Variants in SCAF8 observed in about 807,000 individuals in gnomAD.
SCAF8 encodes SR-related and CTD-associated factor 8.
A neutral mutation model predicts 140.5 loss-of-function variants in SCAF8; 23 were observed. The ratio of observed to expected loss-of-function variants is 0.16; its 90% CI spans 0.12 to 0.23. The LOEUF is 0.23. SCAF8 is among the 10% of genes least tolerant of loss of function. SCAF8 has a pLI of 1.00. For missense variants in SCAF8, 1,397 were observed against 1,555.7 expected (o/e 0.90, Z 1.72); for synonymous variants, 575 against 528.9 (o/e 1.09, Z -1.20).
chr6:154,821,747 G>T (rs1255738131), intron 15 of SCAF8, among the ~76,000 whole-genome samples: 1 of 152,168 alleles, frequency 6.6e-6, no homozygotes, highest in East Asian at 1.9e-4. Flanking sequence ...TGAGTAGTAG[G>T]AGATCAAGGC....
chr6:154,812,782 G>A (rs562411227), intron 12 of SCAF8, among the ~76,000 whole-genome samples: 74 of 152,254 alleles, frequency 4.9e-4, no homozygotes, highest in African/African-American at 1.7e-3. Flanking sequence ...GCTTTCTGGG[G>A]AAAATAATGG....
rs1778321485 is a variant in SCAF8 at position 154,818,566 on chromosome 6, T to C, written c.1609T>C (p.Tyr537His). The C allele has an allele frequency of 6.2e-7, 1 of 1,601,158 alleles. No homozygotes were observed. The highest frequency in any genetic ancestry group is 8.5e-7 in the Non-Finnish European group (1 of 1,172,376). Residue 537 changes from tyrosine to histidine, a missense_variant, in exon 14 of 20, where the codon TAT (tyrosine) becomes CAT (histidine). Coordinates refer to ENST00000367178, the MANE Select transcript of SCAF8 (RefSeq NM_014892.5). ...TCTTCAGAAACTCAGTTCTGGATCA[T>C]ATAAAATTGGGTCCAAGGTCATTAA... ...RALQKLSSGS[Y>H]KIGSKVIKIA...
intron 18 of SCAF8, among the ~76,000 whole-genome samples, chr6:154,828,518 A>T (rs1370507722): frequency 6.8e-6 from 1 of 147,930 alleles, no homozygotes; most frequent in East Asian, 2.0e-4. Flanking sequence ...AGTCAGTTGC[A>T]TTTTTCTTTT....
At chr6:154,778,688 C>T (rs756142591) in intron 3 of SCAF8, among the ~76,000 whole-genome samples, 6 of 151,926 alleles carry the variant, frequency 3.9e-5, no homozygotes, top group Non-Finnish European at 5.9e-5. Context: ...TGCTTGAACC[C>T]AGGGGGCGGA....
At chr6:154,739,052 CATAGCTTACT>C (rs1351775295) in intron 1 of SCAF8, among the ~76,000 whole-genome samples, 2 of 152,160 alleles carry the variant, frequency 1.3e-5, no homozygotes, top group African/African-American at 2.4e-5. Flanking sequence ...AGGACAGGAT[CATAGCTTACT>C]GTAACCTCGA....
At chr6:154,793,952 T>G (rs1777506607) in intron 5 of SCAF8, among the ~76,000 whole-genome samples, 1 of 151,986 alleles carries the variant, frequency 6.6e-6, no homozygotes, top group Non-Finnish European at 1.5e-5. Context: ...TTTGAGACCT[T>G]GCTCTGTCAC....
At chr6:154,829,226 T>C (rs2114693713) in intron 18 of SCAF8, among the ~76,000 whole-genome samples, 1 of 145,590 alleles carries the variant, frequency 6.9e-6, no homozygotes, top group African/African-American at 2.4e-5. Context: ...GCCAGTTTCA[T>C]AAGTGATTTT....
intron 12 of SCAF8, 83 bp downstream of exon 12, chr6:154,810,291 T>A (rs1370184001): frequency 1.9e-6 from 2 of 1,027,254 alleles, no homozygotes; most frequent in Non-Finnish European, 2.8e-6. Context: ...TCAGCCAAAT[T>A]TTATTTTCAG....
chr6:154,760,699 C>T (rs1379183897), intron 1 of SCAF8, among the ~76,000 whole-genome samples: 2 of 125,602 alleles, frequency 1.6e-5, no homozygotes, highest in East Asian at 6.1e-4. Flanking sequence ...AGATAGATTA[C>T]ATTTTTTCTT....
intron 6 of SCAF8, among the ~76,000 whole-genome samples, chr6:154,797,551 A>G (rs1383493316): frequency 2.0e-5 from 3 of 151,264 alleles, no homozygotes; most frequent in African/African-American, 4.8e-5. Flanking sequence ...ACCTGCCACC[A>G]TGCCCAGCTG....
Position 154,830,866 on chromosome 6 carries a change from T to C in SCAF8, c.2141-56T>C, listed in dbSNP as rs978036728. The C allele has an allele frequency of 2.1e-5, 28 of 1,348,758 alleles. No homozygotes were observed. The African/African-American group carries it at 3.9e-4, about 19-fold the overall frequency. The allele number at this position is 1,348,758 out of a possible 1,614,324, so 83.5% of individuals were successfully genotyped here. On this transcript the variant is annotated intron_variant, in intron 18 of 19. Coordinates refer to ENST00000367178, the MANE Select transcript of SCAF8 (RefSeq NM_014892.5). ...TTAAATACTCAGACTGCCAGAAAAC[T>C]TAGCACATGAATTGACTCATTAAAT...
chr6:154,773,587 C>A (rs1004445099), intron 1 of SCAF8, among the ~76,000 whole-genome samples: 1 of 152,128 alleles, frequency 6.6e-6, no homozygotes, highest in Non-Finnish European at 1.5e-5. Flanking sequence ...TGTACAAGTT[C>A]TTTGTGAATA....
In SCAF8 at chr6:154,803,598, A is replaced by C. The variant is rs1562454422; in HGVS notation, c.838A>C (p.Lys280Gln). Reference sequence around the variant, plus strand: ...AGACTCTGAGCATAGTGAAGAACCCAAAAAGGAAATTCCAGCTTCACAACT... The same window carrying C: ...AGACTCTGAGCATAGTGAAGAACCCCAAAAGGAAATTCCAGCTTCACAACT... ...GEDSEHSEEP[K>Q]KEIPASQLSH... Residue 280 changes from lysine (K) to glutamine (Q), a missense_variant, in exon 8 of 20, where the codon AAA becomes CAA. Lys to Gln is a moderately conservative substitution (Grantham distance 53). This residue lies in a region of SCAF8 where 339 missense variants were observed against 407.5 expected (regional missense o/e 0.83). Transcript: ENST00000367178. The C allele has an allele frequency of 6.2e-7, 1 of 1,611,244 alleles. No homozygotes were observed. The highest frequency in any genetic ancestry group is 8.5e-7 in the Non-Finnish European group (1 of 1,178,506).
At chr6:154,764,802 T>C (rs1406351979) in intron 1 of SCAF8, among the ~76,000 whole-genome samples, 1 of 152,184 alleles carries the variant, frequency 6.6e-6, no homozygotes, top group African/African-American at 2.4e-5. Flanking sequence ...TTCATTCTTT[T>C]TCAGCGTTTT....
intron 1 of SCAF8, among the ~76,000 whole-genome samples, chr6:154,755,849 G>A (rs1420438725): frequency 6.6e-6 from 1 of 152,150 alleles, no homozygotes; most frequent in African/African-American, 2.4e-5. Context: ...AAAGCACAGA[G>A]TTCTTTTGAG....
At chr6:154,789,791 T>C (rs1231135579) in intron 4 of SCAF8, among the ~76,000 whole-genome samples, 1 of 152,202 alleles carries the variant, frequency 6.6e-6, no homozygotes, top group Non-Finnish European at 1.5e-5. Flanking sequence ...GTGATCCGCC[T>C]GCCTTGGCCT....
chr6:154,787,428 C>T (rs1192619839), intron 3 of SCAF8, among the ~76,000 whole-genome samples: 1 of 152,110 alleles, frequency 6.6e-6, no homozygotes, highest in Non-Finnish European at 1.5e-5. Flanking sequence ...TATAATTTGC[C>T]ATTTGGCATT....
intron 18 of SCAF8, among the ~76,000 whole-genome samples, chr6:154,830,688 C>A (rs1778704925): frequency 6.6e-6 from 1 of 152,116 alleles, no homozygotes; most frequent in African/African-American, 2.4e-5. Context: ...CTGGTCCTAA[C>A]ATCTTTGGTG....
intron 14 of SCAF8, among the ~76,000 whole-genome samples, chr6:154,818,969 A>G (rs1357496523): frequency 6.6e-6 from 1 of 152,074 alleles, no homozygotes; most frequent in East Asian, 1.9e-4. Context: ...TATACCTTCT[A>G]ATTATATTAT....
Sources: gnomAD v4.1 joint callset for allele counts (sites outside exome capture counted in the v4.1 genomes callset) on GRCh38, gnomAD v4.1.1 for gene constraint, gnomAD v4.1.1 regional missense constraint, MANE v1.5 for transcripts, NCBI Gene and HGNC (gene_info 2026-07-23, HGNC 2026-07-21) for gene names.